ELMO1: variants seen among roughly 807,000 people sequenced by gnomAD.
ELMO1 encodes the protein engulfment and cell motility 1.
Under a neutral mutation model 98.9 loss-of-function variants are expected in ELMO1, and 26 were observed. That is an observed-to-expected ratio of 0.26 (90% confidence interval 0.19 to 0.36). The LOEUF is 0.36. Among genes scored for constraint, ELMO1 ranks in the 10% least tolerant of loss-of-function variants. ELMO1 has a pLI of 1.00. For synonymous variants in ELMO1, 346 were observed against 346.0 expected (o/e 1.00, Z 0.00); for missense variants, 627 against 935.2 (o/e 0.67, Z 4.30).
At chr7:37,162,324 C>T (rs1167040392) in intron 13 of ELMO1, among the ~76,000 whole-genome samples, 1 of 152,148 alleles carries the variant, frequency 6.6e-6, no homozygotes, top group Non-Finnish European at 1.5e-5. Flanking sequence ...TGGGGCACCA[C>T]TGCATCCCTA....
intron 16 of ELMO1, among the ~76,000 whole-genome samples, chr7:36,938,111 G>A (rs1027921747): frequency 1.3e-5 from 2 of 152,222 alleles, no homozygotes; most frequent in Non-Finnish European, 2.9e-5. Flanking sequence ...GACACTCCAA[G>A]CTCACAGTCA....
chr7:37,181,874 C>T (rs766719281), intron 13 of ELMO1, among the ~76,000 whole-genome samples: 5 of 152,100 alleles, frequency 3.3e-5, no homozygotes, highest in Non-Finnish European at 5.9e-5. Context: ...ATTACTGCAT[C>T]CCTAGCAAAG....
intron 14 of ELMO1, among the ~76,000 whole-genome samples, chr7:37,119,662 G>A (rs1785868154): frequency 6.6e-6 from 1 of 152,150 alleles, no homozygotes; most frequent in South Asian, 2.1e-4. Flanking sequence ...AGTAGAAATA[G>A]CCATCTTTAC....
intron 4 of ELMO1, among the ~76,000 whole-genome samples, chr7:37,293,230 C>T (rs1350973592): frequency 3.1e-5 from 4 of 130,444 alleles, no homozygotes; most frequent in Admixed American, 3.0e-4. Context: ...CCCAACAGCT[C>T]ATTGAGAATG....
At chr7:37,292,712 C>T (rs1583473756) in intron 4 of ELMO1, among the ~76,000 whole-genome samples, 1 of 55,472 alleles carries the variant, frequency 1.8e-5, no homozygotes, top group South Asian at 7.3e-4. Flanking sequence ...CTCCGCCCGG[C>T]AGCCGCCCCG....
intron 15 of ELMO1, among the ~76,000 whole-genome samples, chr7:37,014,310 A>G (rs1793766986): frequency 6.6e-6 from 1 of 152,086 alleles, no homozygotes; most frequent in South Asian, 2.1e-4. Context: ...GATACTGTGG[A>G]GCCCAAGGAA....
intron 2 of ELMO1, among the ~76,000 whole-genome samples, chr7:37,334,679 C>G (rs12333933): frequency 2.6e-5 from 4 of 151,954 alleles, no homozygotes; most frequent in African/African-American, 9.7e-5. Context: ...ATTATTACTG[C>G]TACTAACGAG....
chr7:37,149,335 T>C (rs1035762351), intron 13 of ELMO1, among the ~76,000 whole-genome samples: 3 of 152,150 alleles, frequency 2.0e-5, no homozygotes, highest in East Asian at 3.8e-4. Flanking sequence ...ACAGCTGCAA[T>C]TGTGGGGGTA....
At chr7:37,247,536 A>G (rs1457209533) in intron 6 of ELMO1, among the ~76,000 whole-genome samples, 1 of 152,204 alleles carries the variant, frequency 6.6e-6, no homozygotes, top group Non-Finnish European at 1.5e-5. Flanking sequence ...CAATTTGTAT[A>G]ATCAATTTTC....
chr7:37,426,142 CTTTTTTT>C (rs36086006), intron 1 of ELMO1, among the ~76,000 whole-genome samples: 96 of 84,566 alleles, frequency 1.1e-3, no homozygotes, highest in Admixed American at 1.4e-3. Context: ...TTTTTTCTTT[CTTTTTTT>C]TTTTTTTTTT....
At chr7:37,091,519 A>C (rs1447221323) in intron 15 of ELMO1, among the ~76,000 whole-genome samples, 1 of 152,154 alleles carries the variant, frequency 6.6e-6, no homozygotes, top group Non-Finnish European at 1.5e-5. Context: ...CTTCACATTG[A>C]CAGTAAGCAC....
chr7:36,866,624 G>T (rs1371752245), intron 20 of ELMO1, among the ~76,000 whole-genome samples: 2 of 152,192 alleles, frequency 1.3e-5, no homozygotes. Flanking sequence ...CATTAACAAA[G>T]TATCTCTTTT....
chr7:36,965,983 ACT>A (rs1226639640), intron 16 of ELMO1, among the ~76,000 whole-genome samples: 1 of 151,990 alleles, frequency 6.6e-6, no homozygotes, highest in Non-Finnish European at 1.5e-5. Flanking sequence ...TCAAAGAAAA[ACT>A]CTGAAGGAAA....
At chr7:37,232,194 T>C (rs1794215424) in intron 8 of ELMO1, among the ~76,000 whole-genome samples, 1 of 152,210 alleles carries the variant, frequency 6.6e-6, no homozygotes, top group Admixed American at 6.5e-5. Context: ...TGACTCTTAA[T>C]GGATTTTGCT....
chr7:37,199,260 T>C lies in ELMO1; in HGVS notation c.1086+12126A>G, dbSNP rs182929387. ...GAAGAACGAAGGTCAAGTATTATCA[T>C]GGTAATGAATCATAGGTCATTTGTT... On this transcript the variant is annotated intron_variant, in intron 13 of 21. Transcript: ENST00000310758. 1.7e-3 allele frequency among the ~76,000 whole-genome samples: 258 copies of C among 152,354 alleles called. 1 individual carries two copies. Among genetic ancestry groups the C allele is most frequent in the Non-Finnish European group, 3.1e-3 (213 of 68,032 alleles).
chr7:37,376,440 A>G (rs1286144462), intron 1 of ELMO1, among the ~76,000 whole-genome samples: 1 of 152,182 alleles, frequency 6.6e-6, no homozygotes, highest in Non-Finnish European at 1.5e-5. Flanking sequence ...TAACTTCGCT[A>G]ATTGTTTTCA....
chr7:36,891,508 G>A (rs1359089854), intron 17 of ELMO1, among the ~76,000 whole-genome samples: 2 of 152,156 alleles, frequency 1.3e-5, no homozygotes, highest in African/African-American at 2.4e-5. Context: ...CTAAGACAAG[G>A]GAGAGGCATA....
intron 16 of ELMO1, among the ~76,000 whole-genome samples, chr7:36,913,194 GGTT>G (rs1784455141): frequency 6.6e-6 from 1 of 152,008 alleles, no homozygotes; most frequent in African/African-American, 2.4e-5. Context: ...CATTAGACTG[GGTT>G]CCTCAAGGGA....
chr7:36,972,129 G>C (rs570002809), intron 16 of ELMO1, among the ~76,000 whole-genome samples: 46 of 152,198 alleles, frequency 3.0e-4, no homozygotes, highest in Non-Finnish European at 4.7e-4. Flanking sequence ...AATTCACTTG[G>C]TCCTCCAAGT....
Sources: allele counts gnomAD v4.1 joint callset (sites outside exome capture counted in the v4.1 genomes callset), GRCh38; gene constraint gnomAD v4.1.1; transcripts MANE v1.5; gene names NCBI Gene and HGNC (gene_info 2026-07-23, HGNC 2026-07-21).